Variants in SLC35F3 observed in about 807,000 individuals in gnomAD.
SLC35F3 encodes solute carrier family 35 member F3, also known as putative thiamine transporter SLC35F3.
A neutral mutation model predicts 49.9 loss-of-function variants in SLC35F3; 25 were observed. That is an observed-to-expected ratio of 0.50 (90% CI 0.37 to 0.70). The LOEUF (loss-of-function observed/expected upper bound fraction) is 0.70. Among genes scored for constraint, SLC35F3 ranks in the 30% least tolerant of loss-of-function variants. The pLI is 0.00. For synonymous variants in SLC35F3, 275 were observed against 265.4 expected (o/e 1.04, Z -0.35); for missense variants, 525 against 639.8 (o/e 0.82, Z 1.94).
chr1:234,273,656 GA>G (rs879476580), intron 3 of SLC35F3, among the ~76,000 whole-genome samples: 9,136 of 152,304 alleles, frequency 0.06, 326 homozygotes, highest in African/African-American at 0.097. Context: ...GATGGCTTCA[GA>G]AGGCCTTCAG....
chr1:234,031,872 T>G (rs1302370625), intron 2 of SLC35F3, among the ~76,000 whole-genome samples: 1 of 152,202 alleles, frequency 6.6e-6, no homozygotes, highest in Non-Finnish European at 1.5e-5. Context: ...CAACACTGTC[T>G]AGACACAGCC....
chr1:234,091,134 A>G (rs888487360), intron 2 of SLC35F3, among the ~76,000 whole-genome samples: 2 of 152,258 alleles, frequency 1.3e-5, no homozygotes, highest in Admixed American at 6.5e-5. Flanking sequence ...AATAAAAAGC[A>G]AAAGTTTCCT....
At chr1:233,963,279 C>A (rs1281032565) in intron 2 of SLC35F3, among the ~76,000 whole-genome samples, 1 of 151,742 alleles carries the variant, frequency 6.6e-6, no homozygotes, top group East Asian at 1.9e-4. Flanking sequence ...CAGGTCATAG[C>A]TTTCTTTTTT....
At chr1:234,142,097 C>T (rs1261397719) in intron 2 of SLC35F3, among the ~76,000 whole-genome samples, 7 of 152,156 alleles carry the variant, frequency 4.6e-5, no homozygotes, top group Admixed American at 3.9e-4. Context: ...AAAGACTAAG[C>T]TCATGCTACT....
intron 2 of SLC35F3, among the ~76,000 whole-genome samples, chr1:233,954,918 A>G (rs1320026646): frequency 2.0e-5 from 3 of 152,104 alleles, no homozygotes; most frequent in Admixed American, 6.5e-5. Flanking sequence ...ATCTTGGCTC[A>G]CTGCAACCTC....
intron 2 of SLC35F3, among the ~76,000 whole-genome samples, chr1:234,160,454 T>C (rs1296481908): frequency 1.3e-5 from 2 of 152,180 alleles, no homozygotes; most frequent in Non-Finnish European, 2.9e-5. Flanking sequence ...AGCTAATGGC[T>C]CCACCTCTGT....
At chr1:234,196,102 C>CT (rs1666806198) in intron 2 of SLC35F3, among the ~76,000 whole-genome samples, 1 of 152,172 alleles carries the variant, frequency 6.6e-6, no homozygotes, top group South Asian at 2.1e-4. Flanking sequence ...CTGGACCAAA[C>CT]TGAGAACTAG....
At chr1:234,170,176 G>T (rs1442288347) in intron 2 of SLC35F3, among the ~76,000 whole-genome samples, 1 of 152,166 alleles carries the variant, frequency 6.6e-6, no homozygotes, top group Non-Finnish European at 1.5e-5. Flanking sequence ...CAGTCATGAA[G>T]TCCCTTGTGC....
At chr1:234,268,404 T>C (rs528627194) in intron 3 of SLC35F3, among the ~76,000 whole-genome samples, 55 of 151,984 alleles carry the variant, frequency 3.6e-4, no homozygotes, top group Non-Finnish European at 6.8e-4. Context: ...ATGGCAGCAG[T>C]ACCGTCCAGC....
intron 2 of SLC35F3, among the ~76,000 whole-genome samples, chr1:234,186,810 A>C (rs1666650205): frequency 6.6e-6 from 1 of 152,174 alleles, no homozygotes; most frequent in African/African-American, 2.4e-5. Context: ...TATTATTGAC[A>C]TATTGATGGA....
At chr1:234,064,949 T>C (rs1383657646) in intron 2 of SLC35F3, among the ~76,000 whole-genome samples, 1 of 152,194 alleles carries the variant, frequency 6.6e-6, no homozygotes, top group Non-Finnish European at 1.5e-5. Context: ...TTTTCTTTTA[T>C]AAGAGGTAAA....
intron 2 of SLC35F3, among the ~76,000 whole-genome samples, chr1:233,934,029 G>A (rs1428649699): frequency 1.3e-5 from 2 of 152,188 alleles, no homozygotes; most frequent in Non-Finnish European, 2.9e-5. Context: ...AGAGTTTAGC[G>A]GGAAGTGCTT....
chr1:233,905,244 C>A (rs1037167543), intron 1 of SLC35F3, 114 bp downstream of exon 1: 19 of 1,169,540 alleles, frequency 1.6e-5, no homozygotes, highest in Non-Finnish European at 2.1e-5. Flanking sequence ...AAGGGCGGCG[C>A]GCGCGGTGGA....
rs572214826 is a variant in SLC35F3, at chr1:234,121,380, C to T, written c.284-110037C>T. Among the ~76,000 whole-genome samples, 9 of 151,842 alleles carry T rather than the reference C, an allele frequency of 5.9e-5. No homozygotes were observed. The East Asian group carries it at 1.7e-3, about 29-fold the overall frequency. ...GTCTCGATCTCCTGACCTCGTGATC[C>T]GCCCGCCTCGGCCTCCCAAAGTGCT... On this transcript the variant is annotated intron_variant, in intron 2 of 7. Transcript: ENST00000366618.
intron 3 of SLC35F3, among the ~76,000 whole-genome samples, chr1:234,295,107 G>C (rs2102987634): frequency 6.6e-6 from 1 of 152,354 alleles, no homozygotes; most frequent in Admixed American, 6.5e-5. Context: ...TGTCCCAGCT[G>C]GGCCCTGTGA....
At chr1:234,221,026 A>G (rs1006168581) in intron 2 of SLC35F3, among the ~76,000 whole-genome samples, 15 of 152,316 alleles carry the variant, frequency 9.8e-5, no homozygotes, top group South Asian at 8.3e-4. Flanking sequence ...GAGGCAGGAG[A>G]GAAGTTTGAC....
At chr1:234,254,726 T>A (rs1455301586) in intron 3 of SLC35F3, among the ~76,000 whole-genome samples, 1 of 152,226 alleles carries the variant, frequency 6.6e-6, no homozygotes, top group Non-Finnish European at 1.5e-5. Flanking sequence ...CAAACAGGCA[T>A]ACCACTCACT....
chr1:234,110,100 C>G (rs1426236000), intron 2 of SLC35F3, among the ~76,000 whole-genome samples: 1 of 114,638 alleles, frequency 8.7e-6, no homozygotes, highest in Non-Finnish European at 1.9e-5. Flanking sequence ...CCCTGGAGCT[C>G]AAGCTAGAGA....
At chr1:234,185,773 C>G (rs1275676891) in intron 2 of SLC35F3, among the ~76,000 whole-genome samples, 2 of 152,212 alleles carry the variant, frequency 1.3e-5, no homozygotes, top group South Asian at 2.1e-4. Flanking sequence ...CATCACATCA[C>G]CATTTGGATA....
Sources: allele counts gnomAD v4.1 joint callset (sites outside exome capture counted in the v4.1 genomes callset), GRCh38; gene constraint gnomAD v4.1.1; transcripts MANE v1.5; gene names NCBI Gene and HGNC (gene_info 2026-07-23, HGNC 2026-07-21).